LIN28B: variants seen among roughly 807,000 people sequenced by gnomAD.
LIN28B encodes the protein lin-28 RNA binding posttranscriptional regulator B.
Under a neutral mutation model 21.9 loss-of-function variants are expected in LIN28B, and 5 were observed. The observed-to-expected ratio is 0.23, with a 90% CI of 0.12 to 0.48. LIN28B has a LOEUF of 0.48. LIN28B is among the 20% of genes least tolerant of loss of function. LIN28B has a pLI of 0.98. For synonymous variants in LIN28B, 109 were observed against 111.3 expected (o/e 0.98, Z 0.13); for missense variants, 245 against 310.5 (o/e 0.79, Z 1.58).
intron 2 of LIN28B, among the ~76,000 whole-genome samples, chr6:104,980,809 T>C (rs1770204836): frequency 6.6e-6 from 1 of 152,156 alleles, no homozygotes; most frequent in Non-Finnish European, 1.5e-5. Flanking sequence ...TCCATATAAA[T>C]TGTTGGCTGT....
intron 2 of LIN28B, among the ~76,000 whole-genome samples, chr6:105,003,929 A>C (rs1009162801): frequency 1.3e-5 from 2 of 152,208 alleles, no homozygotes; most frequent in African/African-American, 4.8e-5. Context: ...GATAGATATA[A>C]ATATATAGAT....
chr6:104,952,158 T>G (rs1025086676), upstream of LIN28B, among the ~76,000 whole-genome samples: 3 of 152,224 alleles, frequency 2.0e-5, no homozygotes, highest in Non-Finnish European at 2.9e-5. Flanking sequence ...AATACTTTTA[T>G]TCATTGCTTG....
chr6:105,057,557 A>T (rs1391302640), intron 3 of LIN28B, among the ~76,000 whole-genome samples: 6 of 152,086 alleles, frequency 3.9e-5, no homozygotes, highest in Non-Finnish European at 8.8e-5. Flanking sequence ...ACTCAGTATA[A>T]TTTTTATCTT....
chr6:105,010,332 C>T (rs1242404565), intron 2 of LIN28B, among the ~76,000 whole-genome samples: 2 of 149,904 alleles, frequency 1.3e-5, no homozygotes, highest in African/African-American at 2.5e-5. Context: ...TACTACACTC[C>T]AGCCTGGGCA....
intron 3 of LIN28B, among the ~76,000 whole-genome samples, chr6:105,066,930 GA>G (rs1027566519): frequency 7.9e-5 from 12 of 151,948 alleles, no homozygotes; most frequent in Non-Finnish European, 1.5e-4. Context: ...GCGATGAGAA[GA>G]AAAAAATATT....
At chr6:105,041,986 C>T (rs1771647320) in intron 3 of LIN28B, among the ~76,000 whole-genome samples, 1 of 152,126 alleles carries the variant, frequency 6.6e-6, no homozygotes, top group Non-Finnish European at 1.5e-5. Flanking sequence ...AGTGCTCAAT[C>T]CTAGTGCCAA....
rs189007773 is a variant in LIN28B at position 105,036,901 on chromosome 6, T to C, written c.383+10419T>C. The stretch of plus-strand genomic sequence containing the variant: ...GTACAAGGGTATTGTGATAATTTGG[T>C]AGTATTTTAGAAATTTGATATCCTT... On this transcript the variant is annotated intron_variant, in intron 3 of 3. Coordinates refer to ENST00000345080, the MANE Select transcript of LIN28B (RefSeq NM_001004317.4). Among the ~76,000 whole-genome samples the C allele has an allele frequency of 1.2e-3, 180 of 152,308 alleles. 1 individual carries two copies. The highest frequency in any genetic ancestry group is 4.2e-3 in the African/African-American group (173 of 41,564).
intron 3 of LIN28B, among the ~76,000 whole-genome samples, chr6:105,051,653 G>T (rs1771909033): frequency 6.6e-6 from 1 of 151,886 alleles, no homozygotes; most frequent in Non-Finnish European, 1.5e-5. Flanking sequence ...TTGTGTCATG[G>T]GTACAAAGTA....
intron 2 of LIN28B, among the ~76,000 whole-genome samples, chr6:104,966,967 T>C (rs911395715): frequency 1.3e-5 from 2 of 151,868 alleles, no homozygotes; most frequent in Admixed American, 6.6e-5. Flanking sequence ...GGTCTCCCCA[T>C]GTTGCCCAGG....
At chr6:104,991,093 G>T (rs1215400297) in intron 2 of LIN28B, among the ~76,000 whole-genome samples, 2 of 152,224 alleles carry the variant, frequency 1.3e-5, no homozygotes, top group East Asian at 3.9e-4. Context: ...CCCAGACGGG[G>T]TGGCGGCGGG....
chr6:104,950,350 TCA>T (rs1404139312), intron 2 of LIN28B: 1 of 539,544 alleles, frequency 1.9e-6, no homozygotes, highest in African/African-American at 2.0e-5. Context: ...ACAGGTCTCT[TCA>T]CAGAGTCAAA....
chr6:105,055,990 G>C (rs407996), intron 3 of LIN28B, among the ~76,000 whole-genome samples: 114,533 of 146,396 alleles, frequency 0.78, 45,636 homozygotes, highest in Non-Finnish European at 0.86. Context: ...TGAACTCCTG[G>C]GCTCAAGCAG....
At chr6:104,949,213 TCA>T (rs1190402256) in intron 2 of LIN28B, among the ~76,000 whole-genome samples, 1 of 152,194 alleles carries the variant, frequency 6.6e-6, no homozygotes, top group Admixed American at 6.5e-5. Context: ...TTAAATATAC[TCA>T]CACATAAGCC....
upstream of LIN28B, among the ~76,000 whole-genome samples, chr6:104,955,415 A>AC (rs970130931): frequency 2.0e-5 from 3 of 150,894 alleles, no homozygotes; most frequent in African/African-American, 7.5e-5. Flanking sequence ...GGAATAACAG[A>AC]CAAAAAAAAA....
At chr6:104,999,430 A>C (rs562303450) in intron 2 of LIN28B, among the ~76,000 whole-genome samples, 2 of 152,258 alleles carry the variant, frequency 1.3e-5, no homozygotes, top group East Asian at 3.9e-4. Flanking sequence ...TAACCCACCT[A>C]ACCCAGCCTG....
intron 3 of LIN28B, among the ~76,000 whole-genome samples, chr6:105,031,957 G>A (rs1771434258): frequency 6.6e-6 from 1 of 151,948 alleles, no homozygotes; most frequent in African/African-American, 2.4e-5. Flanking sequence ...TATAACCCCT[G>A]GCAGCCTCTG....
In LIN28B at chr6:105,053,813, A is replaced by C. The variant is rs554722858; in HGVS notation, c.384-24601A>C. Among the ~76,000 whole-genome samples the C allele has an allele frequency of 1.7e-4, 26 of 151,174 alleles. No homozygotes were observed. In the South Asian group the frequency reaches 5.3e-3, roughly 31 times the overall value. ...AATGGCACAATCTCAGCTCACTGCA[A>C]CCTCAGCCTCCCGGGTTCAAGTAAT... On this transcript the variant is annotated intron_variant, in intron 3 of 3. Transcript: ENST00000345080.
rs924203926 is a variant in LIN28B, at chr6:105,082,614, GAGA to G, written c.*3836_*3838del. 6.6e-6 allele frequency: 1 copy of G among 152,616 alleles called. No homozygotes were observed. Among genetic ancestry groups the G allele is most frequent in the Non-Finnish European group, 1.5e-5 (1 of 68,038 alleles). The allele number at this position is 152,616 out of a possible 1,614,324, so 9.5% of individuals were successfully genotyped here. ...GTCTTAATGAGATTTATTTGTTTTA[GAGA>G]AGAACATCTTGTTAAAAGCATCAAA... On this transcript the variant is annotated 3_prime_UTR_variant, in exon 4 of 4. Coordinates refer to ENST00000345080, the MANE Select transcript of LIN28B (RefSeq NM_001004317.4).
chr6:105,005,923 T>C (rs1770808186), intron 2 of LIN28B, among the ~76,000 whole-genome samples: 1 of 152,238 alleles, frequency 6.6e-6, no homozygotes. Context: ...AAGAGCTCTT[T>C]CTTGTTTTCA....
Sources: allele counts gnomAD v4.1 joint callset (sites outside exome capture counted in the v4.1 genomes callset), GRCh38; gene constraint gnomAD v4.1.1; transcripts MANE v1.5; gene names NCBI Gene and HGNC (gene_info 2026-07-23, HGNC 2026-07-21).